EPHA6: variants seen among roughly 807,000 people sequenced by gnomAD.
The protein encoded by EPHA6 is ephrin type-A receptor 6.
In EPHA6, 50 loss-of-function variants were observed where a neutral mutation model predicts 112.0. The ratio of observed to expected loss-of-function variants is 0.45; its 90% CI spans 0.36 to 0.56. The LOEUF (loss-of-function observed/expected upper bound fraction) is 0.56. Ranked by LOEUF, EPHA6 falls within the 20% of genes least tolerant of loss-of-function variation. EPHA6 has a pLI of 0.00. For synonymous variants in EPHA6, 529 were observed against 490.7 expected (o/e 1.08, Z -1.03); for missense variants, 1,280 against 1,417.4 (o/e 0.90, Z 1.56).
At chr3:97,030,698 C>A (rs1025121795) in intron 3 of EPHA6, among the ~76,000 whole-genome samples, 1 of 151,684 alleles carries the variant, frequency 6.6e-6, no homozygotes, top group South Asian at 2.1e-4. Context: ...TTTGTAAATG[C>A]AAGGAATTAA....
intron 10 of EPHA6, among the ~76,000 whole-genome samples, chr3:97,498,443 G>C (rs999475402): frequency 2.6e-5 from 4 of 152,008 alleles, no homozygotes; most frequent in Non-Finnish European, 5.9e-5. Context: ...TTGGGTCATG[G>C]GCCCAGTGAA....
intron 5 of EPHA6, among the ~76,000 whole-genome samples, chr3:97,286,869 G>C (rs2080482986): frequency 6.6e-6 from 1 of 151,884 alleles, no homozygotes; most frequent in African/African-American, 2.4e-5. Flanking sequence ...TCCAATCCAT[G>C]AGCATGGGTT....
At chr3:96,973,371 A>C (rs1428431002) in intron 2 of EPHA6, among the ~76,000 whole-genome samples, 1 of 152,168 alleles carries the variant, frequency 6.6e-6, no homozygotes, top group Non-Finnish European at 1.5e-5. Context: ...CCTTTTTAAA[A>C]CAAATATACA....
intron 3 of EPHA6, among the ~76,000 whole-genome samples, chr3:97,210,301 C>G (rs1372487043): frequency 2.6e-5 from 4 of 152,074 alleles, no homozygotes; most frequent in African/African-American, 9.7e-5. Flanking sequence ...GAGGCAAGTA[C>G]CTTCTTCACA....
intron 5 of EPHA6, among the ~76,000 whole-genome samples, chr3:97,386,950 C>T (rs1159943872): frequency 1.3e-5 from 2 of 152,342 alleles, no homozygotes; most frequent in Non-Finnish European, 2.9e-5. Flanking sequence ...GCTTGCACCC[C>T]CTGAAGCAAT....
intron 2 of EPHA6, among the ~76,000 whole-genome samples, chr3:96,957,679 A>G: frequency 6.6e-6 from 1 of 152,208 alleles, no homozygotes; most frequent in Middle Eastern, 3.2e-3. Flanking sequence ...TGGGCTAGGA[A>G]AAGTAATAAT....
intron 2 of EPHA6, among the ~76,000 whole-genome samples, chr3:96,939,830 A>T (rs1303826921): frequency 2.6e-5 from 4 of 152,172 alleles, no homozygotes; most frequent in African/African-American, 9.7e-5. Flanking sequence ...TTCAAAGAAC[A>T]TCTTTATTTC....
intron 5 of EPHA6, among the ~76,000 whole-genome samples, chr3:97,324,897 T>G (rs1413823589): frequency 6.6e-6 from 1 of 152,136 alleles, no homozygotes. Context: ...TGTGTAAATG[T>G]CTTTTGCACA....
intron 4 of EPHA6, among the ~76,000 whole-genome samples, chr3:97,242,447 G>A (rs1004956458): frequency 2.6e-5 from 4 of 151,612 alleles, no homozygotes; most frequent in African/African-American, 9.7e-5. Flanking sequence ...CTAAAACAGG[G>A]GTCCACCTGA....
intron 6 of EPHA6, among the ~76,000 whole-genome samples, chr3:97,440,221 G>T (rs1213041776): frequency 6.6e-6 from 1 of 151,980 alleles, no homozygotes; most frequent in Non-Finnish European, 1.5e-5. Flanking sequence ...TCCTTACTGT[G>T]TAATACCTTT....
intron 11 of EPHA6, among the ~76,000 whole-genome samples, chr3:97,566,851 T>C (rs2093274027): frequency 6.6e-6 from 1 of 152,138 alleles, no homozygotes; most frequent in Non-Finnish European, 1.5e-5. Context: ...TTCCAATGAG[T>C]AATAGTCTTT....
intron 10 of EPHA6, among the ~76,000 whole-genome samples, chr3:97,522,986 T>G (rs942503578): frequency 6.6e-6 from 1 of 152,116 alleles, no homozygotes; most frequent in African/African-American, 2.4e-5. Flanking sequence ...AAAAGAAAAC[T>G]TATTTAGTTG....
chr3:97,033,139 G>C (rs897939870), intron 3 of EPHA6, among the ~76,000 whole-genome samples: 1 of 151,958 alleles, frequency 6.6e-6, no homozygotes, highest in Non-Finnish European at 1.5e-5. Flanking sequence ...ATTATGAGGA[G>C]GCTGCTGGAG....
intron 6 of EPHA6, among the ~76,000 whole-genome samples, chr3:97,427,589 C>A (rs920177192): frequency 3.3e-5 from 5 of 150,894 alleles, no homozygotes; most frequent in South Asian, 2.1e-4. Flanking sequence ...CTAATGGGTA[C>A]TAGGCTTAAT....
At chr3:97,586,085 A>G (rs2093484902) in intron 11 of EPHA6, among the ~76,000 whole-genome samples, 1 of 152,170 alleles carries the variant, frequency 6.6e-6, no homozygotes, top group African/African-American at 2.4e-5. Context: ...CTAGCAAAAT[A>G]TTTGCTTAAG....
At chr3:97,358,862 G>A (rs1166332608) in intron 5 of EPHA6, among the ~76,000 whole-genome samples, 2 of 152,020 alleles carry the variant, frequency 1.3e-5, no homozygotes, top group Non-Finnish European at 2.9e-5. Context: ...TTAGGACTTT[G>A]AATGTATCAT....
At chr3:96,967,923 G>A (rs918692880) in intron 2 of EPHA6, among the ~76,000 whole-genome samples, 2 of 151,672 alleles carry the variant, frequency 1.3e-5, no homozygotes, top group East Asian at 3.9e-4. Flanking sequence ...TTTAAAAGTG[G>A]ATATTTAGCA....
intron 2 of EPHA6, among the ~76,000 whole-genome samples, chr3:96,946,067 A>G (rs780539177): frequency 2.6e-5 from 4 of 152,114 alleles, no homozygotes; most frequent in African/African-American, 4.8e-5. Context: ...CTAGAATATT[A>G]TGTAGTTTCA....
chr3:97,524,866 A>G (rs934200085), intron 10 of EPHA6, among the ~76,000 whole-genome samples: 1 of 152,094 alleles, frequency 6.6e-6, no homozygotes, highest in African/African-American at 2.4e-5. Flanking sequence ...TTTTTATGTA[A>G]TAAGTTTCTT....
Sources: gnomAD v4.1 joint callset for allele counts (sites outside exome capture counted in the v4.1 genomes callset) on GRCh38, gnomAD v4.1.1 for gene constraint, MANE v1.5 for transcripts, NCBI Gene and HGNC (gene_info 2026-07-23, HGNC 2026-07-21) for gene names.